CNTRL: variants seen among roughly 807,000 people sequenced by gnomAD.
The protein encoded by CNTRL is centriolin, also known as 110 kDa centrosomal protein.
A neutral mutation model predicts 303.7 loss-of-function variants in CNTRL; 233 were observed. The ratio of observed to expected loss-of-function variants is 0.77; its 90% confidence interval spans 0.69 to 0.86. CNTRL has a LOEUF of 0.86. Ranked by LOEUF, CNTRL falls within the 40% of genes least tolerant of loss-of-function variation. The pLI is 0.00. For synonymous variants in CNTRL, 900 were observed against 922.2 expected (o/e 0.98, Z 0.44); for missense variants, 2,524 against 2,650.6 (o/e 0.95, Z 1.05).
rs761939548 is a variant in CNTRL at position 121,090,454 on chromosome 9, G to A, written c.348+49G>A. The A allele has an allele frequency of 1.9e-6, 3 of 1,561,566 alleles. No homozygotes were observed. The East Asian group carries it at 6.9e-5, about 36-fold the overall frequency. On this transcript the variant is annotated intron_variant, in intron 4 of 43. Coordinates refer to ENST00000373855, the MANE Select transcript of CNTRL (RefSeq NM_007018.6). ...CATAGATACTGTTTTTAACTTTTCT[G>A]TGCTTTAATACTGCGAAAAAAAATT...
chr9:121,168,363 T>C, intron 38 of CNTRL, 42 bp downstream of exon 38: 2 of 1,557,932 alleles, frequency 1.3e-6, no homozygotes, highest in Admixed American at 1.7e-5. Context: ...GGGGTATGGA[T>C]TGGCTCTGCT....
intron 2 of CNTRL, among the ~76,000 whole-genome samples, chr9:121,081,222 T>C (rs1448054893): frequency 6.6e-6 from 1 of 152,246 alleles, no homozygotes; most frequent in Non-Finnish European, 1.5e-5. Flanking sequence ...AGCTTATATG[T>C]ACCCATATGC....
intron 14 of CNTRL, among the ~76,000 whole-genome samples, chr9:121,128,700 T>A (rs1345029822): frequency 1.3e-5 from 2 of 152,162 alleles, no homozygotes; most frequent in East Asian, 1.9e-4. Flanking sequence ...GGTGTTTTAG[T>A]CATGAAGTCC....
chr9:121,166,071 T>A, intron 35 of CNTRL, 36 bp from the exon 36 acceptor site: 1 of 1,455,308 alleles, frequency 6.9e-7, no homozygotes. Flanking sequence ...TAAATACGTA[T>A]GTATTTCTTA....
chr9:121,143,532 A>G (rs1020969647), intron 19 of CNTRL, among the ~76,000 whole-genome samples: 2 of 152,040 alleles, frequency 1.3e-5, no homozygotes, highest in Non-Finnish European at 2.9e-5. Context: ...AGATCTCTCC[A>G]TTTCTCACTG....
chr9:121,141,356 T>A, intron 17 of CNTRL, 25 bp from the exon 18 acceptor site: 1 of 1,555,158 alleles, frequency 6.4e-7, no homozygotes, highest in Non-Finnish European at 8.9e-7. Context: ...GTCACATTTA[T>A]ACCATTTTTC....
chr9:121,162,201 T>G lies in CNTRL; in HGVS notation c.5353T>G (p.Leu1785Val), dbSNP rs1648866699. ...SRALQSCVEC[L>V]SKEKEDLQEK... ...AGCTTTACAATCGTGTGTTGAGTGT[T>G]TGAGCAAAGAAAAGGAAGATCTCCA... is the stretch of plus-strand genomic sequence containing the variant. Residue 1785 changes from leucine to valine, a missense_variant, in exon 34 of 44, where the codon TTG becomes GTG. Coordinates refer to ENST00000373855, the MANE Select transcript of CNTRL (RefSeq NM_007018.6). 6.2e-7 allele frequency: 1 copy of G among 1,614,114 alleles called. No homozygotes were observed.
intron 7 of CNTRL, among the ~76,000 whole-genome samples, chr9:121,107,171 A>T (rs149779754): frequency 1.3e-5 from 2 of 152,176 alleles, no homozygotes; most frequent in Admixed American, 6.5e-5. Flanking sequence ...TTTTTTTTTA[A>T]AACTTAAGAC....
chr9:121,098,723 T>G (rs1483916138), intron 7 of CNTRL, 151 bp downstream of exon 7: 2 of 605,610 alleles, frequency 3.3e-6, no homozygotes, highest in Non-Finnish European at 2.8e-6. Context: ...ATTTACTGAG[T>G]GTGTACTGTG....
chr9:121,169,925 G>A (rs2131876458), intron 39 of CNTRL, 109 bp downstream of exon 39: 1 of 869,028 alleles, frequency 1.2e-6, no homozygotes, highest in East Asian at 2.6e-5. Flanking sequence ...ACCCAGTCCT[G>A]AACCCAGCTG....
At position 121,081,329 on chromosome 9, in the gene CNTRL, T is replaced by C. The variant is rs541063626; in HGVS notation, c.-32+851T>C. ...AGTACAATACTTGTGACATCAGACA[T>C]GTAAGGGTTGTTGCCCCATACACCA... On this transcript the variant is annotated intron_variant, in intron 2 of 43. Coordinates refer to ENST00000373855, the MANE Select transcript of CNTRL (RefSeq NM_007018.6). 2.0e-5 allele frequency among the ~76,000 whole-genome samples: 3 copies of C among 152,364 alleles called. No homozygotes were observed. The South Asian group carries it at 6.2e-4, about 32-fold the overall frequency.
chr9:121,124,698 G>GACCA (rs1158066459), intron 13 of CNTRL, among the ~76,000 whole-genome samples: 1 of 151,318 alleles, frequency 6.6e-6, no homozygotes, highest in African/African-American at 2.4e-5. Context: ...AGCACTTTGG[G>GACCA]AGGCTGAGGC....
At chr9:121,169,464 C>G (rs2053218363) in intron 38 of CNTRL, 147 bp from the exon 39 acceptor site, 1 of 750,372 alleles carries the variant, frequency 1.3e-6, no homozygotes, top group Non-Finnish European at 2.1e-6. Context: ...TGGTGTGGGT[C>G]AGGGTAGGCT....
intron 34 of CNTRL, 61 bp downstream of exon 34, chr9:121,162,332 C>A (rs1046354818): frequency 1.3e-5 from 18 of 1,429,638 alleles, no homozygotes; most frequent in Non-Finnish European, 1.8e-5. Flanking sequence ...ATTATAAACA[C>A]ACTATAAAAA....
Position 121,166,159 on chromosome 9 carries a change from C to A in CNTRL, c.5634C>A (p.Asp1878Glu). The change falls in exon 36 of 44, where the codon GAC becomes GAA. Residue 1878 changes from aspartate to glutamate, a missense_variant. Coordinates refer to ENST00000373855, the MANE Select transcript of CNTRL (RefSeq NM_007018.6). The part of the protein sequence containing the change: ...SLQEELANVQ[D>E]HLNLAKQDLL... ...AGGAGGAACTAGCTAATGTCCAAGA[C>A]CATTTGAACCTAGCAAAACAGGTAA... 1 of 1,611,788 alleles carries A rather than the reference C, an allele frequency of 6.2e-7. No individual in the cohort carries two copies.
Position 121,146,218 on chromosome 9 carries a change from G to T in CNTRL, c.3421G>T (p.Gly1141Cys), listed in dbSNP as rs777875409. 4 of 1,613,454 alleles carry T rather than the reference G, an allele frequency of 2.5e-6. No individual in the cohort carries two copies. The Admixed American group carries it at 6.7e-5, about 27-fold the overall frequency. Residue 1141 changes from glycine (G) to cysteine (C), a missense_variant, in exon 23 of 44, where the codon GGC becomes TGC. Physicochemically the swap from Gly to Cys is radical, Grantham distance 159. Transcript: ENST00000373855. ...SSMADPFKRR[G>C]YWYFMPPPPS... ...CATGGCAGATCCTTTCAAAAGACGA[G>T]GCTATTGGTACTTTATGCCACCACC... is the stretch of plus-strand genomic sequence containing the variant.
At chr9:121,114,087 A>T (rs1326784568) in intron 10 of CNTRL, among the ~76,000 whole-genome samples, 1 of 152,228 alleles carries the variant, frequency 6.6e-6, no homozygotes, top group Non-Finnish European at 1.5e-5. Context: ...GCAAAAACCT[A>T]AAGCAATGCT....
intron 38 of CNTRL, 40 bp from the exon 39 acceptor site, chr9:121,169,571 C>T (rs760498540): frequency 9.4e-6 from 15 of 1,600,926 alleles, no homozygotes; most frequent in South Asian, 8.8e-5. Flanking sequence ...ACAGCTGGCT[C>T]GGGGTCTTTG....
chr9:121,138,963 A>G (rs908169971), intron 16 of CNTRL, among the ~76,000 whole-genome samples: 1 of 152,222 alleles, frequency 6.6e-6, no homozygotes, highest in Admixed American at 6.5e-5. Context: ...CAAAAGCAGT[A>G]TCTTGCTTTT....
Sources: allele counts gnomAD v4.1 joint callset (sites outside exome capture counted in the v4.1 genomes callset), GRCh38; gene constraint gnomAD v4.1.1; transcripts MANE v1.5; gene names NCBI Gene and HGNC (gene_info 2026-07-23, HGNC 2026-07-21).